LEPR: variants seen among roughly 807,000 people sequenced by gnomAD.
LEPR encodes OB receptor.
Under a neutral mutation model 114.7 loss-of-function variants are expected in LEPR, and 56 were observed. The observed-to-expected ratio is 0.49, with a 90% CI of 0.39 to 0.61. The LOEUF (loss-of-function observed/expected upper bound fraction) is 0.61. Among genes scored for constraint, LEPR ranks in the 20% least tolerant of loss-of-function variants. The pLI, the probability that LEPR is intolerant of heterozygous loss-of-function variation, is 0.00. For synonymous variants in LEPR, 443 were observed against 461.4 expected (o/e 0.96, Z 0.51); for missense variants, 1,202 against 1,352.9 (o/e 0.89, Z 1.75).
At chr1:65,630,491 T>A (rs955086872) in intron 19 of LEPR, 1 of 152,112 alleles carries the variant, frequency 6.6e-6, no homozygotes, top group Non-Finnish European at 1.5e-5. Flanking sequence ...AGTGGTTCTT[T>A]TTTTATTTAA....
At chr1:65,488,164 CTTTCTTT>C (rs1557619899) in intron 2 of LEPR, among the ~76,000 whole-genome samples, 27 of 13,952 alleles carry the variant, frequency 1.9e-3, no homozygotes, top group African/African-American at 3.7e-3. Flanking sequence ...TCCTTCCTTT[CTTTCTTT>C]CTTTCTTTCT....
chr1:65,604,002 T>C (rs1420853313), intron 10 of LEPR, among the ~76,000 whole-genome samples: 2 of 152,194 alleles, frequency 1.3e-5, no homozygotes, highest in Admixed American at 1.3e-4. Context: ...GAAATTTAAT[T>C]CTTTCTTCAA....
At position 65,639,370 on chromosome 1, in the gene LEPR, A is replaced by G. The variant is rs962050789; in HGVS notation, c.*2355A>G. 1 of 152,342 alleles carries G rather than the reference A, an allele frequency of 6.6e-6. No homozygotes were observed. The highest frequency in any genetic ancestry group is 1.5e-5 in the Non-Finnish European group (1 of 68,020). The allele number at this position is 152,342 out of a possible 1,614,324, so 9.4% of individuals were successfully genotyped here. ...GTGCTGAACAAGTATAGTTTGGCCT[A>G]TTGGTATGTATAGACTTAGATCATA... On this transcript the variant is annotated 3_prime_UTR_variant, in exon 20 of 20. Coordinates refer to ENST00000349533, the MANE Select transcript of LEPR (RefSeq NM_002303.6).
Position 65,633,736 on chromosome 1 carries a change from T to A in LEPR, c.2674-2455T>A. 1.0e-6 allele frequency: 1 copy of A among 985,282 alleles called. No individual in the cohort carries two copies. Among genetic ancestry groups the A allele is most frequent in the Non-Finnish European group, 1.2e-6 (1 of 829,802 alleles). The allele number at this position is 985,282 out of a possible 1,614,324, so 61.0% of individuals were successfully genotyped here. A position where few individuals can be genotyped will look rare whatever the true frequency, so the allele number is the denominator to read the frequency against. On this transcript the variant is annotated intron_variant, in intron 19 of 19. Coordinates refer to ENST00000349533, the MANE Select transcript of LEPR (RefSeq NM_002303.6). The surrounding 1 kb of genome is among the most constrained non-coding windows in gnomAD (Gnocchi z 4.1). The stretch of plus-strand genomic sequence containing the variant: ...TGTTCTTTTGAATATCTCCTGGCAT[T>A]TTTGTATCTAACTTTGTTCAATCTG...
intron 19 of LEPR, among the ~76,000 whole-genome samples, chr1:65,631,107 C>T (rs1444981645): frequency 6.6e-6 from 1 of 152,044 alleles, no homozygotes; most frequent in Non-Finnish European, 1.5e-5. Context: ...GGTGAGTAGG[C>T]AGGGTTCTGG....
At chr1:65,541,492 A>G (rs1377033365) in intron 2 of LEPR, among the ~76,000 whole-genome samples, 1 of 152,116 alleles carries the variant, frequency 6.6e-6, no homozygotes, top group African/African-American at 2.4e-5. Context: ...AGTGACAAAT[A>G]TTTATGCCAG....
chr1:65,523,890 G>C (rs1469018486), intron 2 of LEPR, among the ~76,000 whole-genome samples: 4 of 152,124 alleles, frequency 2.6e-5, no homozygotes, highest in African/African-American at 9.7e-5. Flanking sequence ...TTATCTGGTT[G>C]GTCCCTAAAT....
intron 2 of LEPR, chr1:65,431,682 A>T: frequency 2.1e-6 from 2 of 967,230 alleles, no homozygotes; most frequent in South Asian, 3.3e-5. Context: ...TACATTATTA[A>T]GCCTTTTAGC....
rs569817896 is a variant in LEPR, at chr1:65,626,765, C to T, written c.2673+3784C>T. On this transcript the variant is annotated intron_variant, in intron 19 of 19. Coordinates refer to ENST00000349533, the MANE Select transcript of LEPR (RefSeq NM_002303.6). The stretch of plus-strand genomic sequence containing the variant: ...CTCAACTGATCCTCCCACCTCATCC[C>T]CTTTAGTAGCTGGGACCATAGGCGC... Among the ~76,000 whole-genome samples the T allele has an allele frequency of 3.9e-5, 6 of 152,154 alleles. No homozygotes were observed. The East Asian group carries it at 1.2e-3, about 30-fold the overall frequency.
chr1:65,432,919 C>T (rs1011062457), intron 2 of LEPR: 4 of 947,066 alleles, frequency 4.2e-6, no homozygotes, highest in Non-Finnish European at 3.8e-6. Context: ...TAAAAATATA[C>T]AATAATTTGT....
At chr1:65,480,559 G>A (rs1647212627) in intron 2 of LEPR, among the ~76,000 whole-genome samples, 1 of 152,130 alleles carries the variant, frequency 6.6e-6, no homozygotes. Context: ...AATACCCACA[G>A]GTGAATGATA....
chr1:65,555,085 T>C (rs1217014780), intron 2 of LEPR, among the ~76,000 whole-genome samples: 1 of 152,048 alleles, frequency 6.6e-6, no homozygotes, highest in African/African-American at 2.4e-5. Context: ...GGTACCTCAG[T>C]TGGAAATGCA....
At position 65,601,537 on chromosome 1, in the gene LEPR, G is replaced by A; in HGVS notation, c.1140G>A (p.Gln380=). 3 of 1,613,808 alleles carry A rather than the reference G, an allele frequency of 1.9e-6. No individual in the cohort carries two copies. In the South Asian group the frequency reaches 3.3e-5, roughly 18 times the overall value. The change falls in exon 9 of 20, where the codon CAG becomes CAA. Residue 380 remains glutamine (Q), a synonymous_variant. Transcript: ENST00000349533. ...MNLAEKIPQS[Q]YDVVSDHVSK... ...TAGCTGAGAAAATTCCTCAAAGCCA[G>A]TATGATGTTGTGAGTGATCATGTTA...
chr1:65,446,086 G>GCCC (rs1335633982), intron 2 of LEPR, among the ~76,000 whole-genome samples: 1 of 152,196 alleles, frequency 6.6e-6, no homozygotes, highest in African/African-American at 2.4e-5. Context: ...ATTTTTATCT[G>GCCC]ATATACCAAT....
At chr1:65,436,315 A>G (rs1318294487) in intron 2 of LEPR, among the ~76,000 whole-genome samples, 3 of 152,228 alleles carry the variant, frequency 2.0e-5, no homozygotes, top group East Asian at 1.9e-4. Context: ...AGTGCTCTAC[A>G]TATTTTGAAG....
chr1:65,551,473 C>G (rs1184757741), intron 2 of LEPR, among the ~76,000 whole-genome samples: 14 of 152,076 alleles, frequency 9.2e-5, no homozygotes. Flanking sequence ...TCCATTTCTT[C>G]TAGATTTTCT....
Position 65,636,340 on chromosome 1 carries a change from T to G in LEPR, c.2823T>G (p.Ser941=), listed in dbSNP as rs772697457. The part of the protein sequence containing the change: ...KDEMMPTTVV[S]LLSTTDLEKG... ...AGATGATGCCAACAACTGTGGTCTC[T>G]CTACTTTCAACAACAGATCTTGAAA... is the stretch of plus-strand genomic sequence containing the variant. Residue 941 remains serine (S), a synonymous_variant, in exon 20 of 20, where the codon TCT becomes TCG. Coordinates refer to ENST00000349533, the MANE Select transcript of LEPR (RefSeq NM_002303.6). 3.7e-6 allele frequency: 6 copies of G among 1,614,110 alleles called. No individual in the cohort carries two copies. Among genetic ancestry groups the G allele is most frequent in the Non-Finnish European group, 4.2e-6 (5 of 1,179,998 alleles).
chr1:65,464,576 A>G (rs570762268), intron 2 of LEPR, among the ~76,000 whole-genome samples: 2 of 152,278 alleles, frequency 1.3e-5, no homozygotes, highest in Admixed American at 6.5e-5. Flanking sequence ...TTTTCTATTG[A>G]TTGAAATAGT....
chr1:65,493,609 G>A (rs1457276209), intron 2 of LEPR, among the ~76,000 whole-genome samples: 1 of 152,098 alleles, frequency 6.6e-6, no homozygotes, highest in Non-Finnish European at 1.5e-5. Context: ...GTTCAATAGT[G>A]TTAAGTATAT....
Sources: gnomAD v4.1 joint callset for allele counts (sites outside exome capture counted in the v4.1 genomes callset) on GRCh38, gnomAD v4.1.1 for gene constraint, Gnocchi (gnomAD v3.1) non-coding constraint, MANE v1.5 for transcripts, NCBI Gene and HGNC (gene_info 2026-07-23, HGNC 2026-07-21) for gene names.